Variants in DNAH7 observed in about 807,000 individuals in gnomAD.
The protein encoded by DNAH7 is dynein axonemal heavy chain 7, also known as axonemal beta dynein heavy chain 7.
A neutral mutation model predicts 444.6 loss-of-function variants in DNAH7; 397 were observed. That is an observed-to-expected ratio of 0.89 (90% CI 0.82 to 0.97). The LOEUF (loss-of-function observed/expected upper bound fraction) is 0.97, where lower values mean the gene tolerates loss of function less well. DNAH7 is among the 50% of genes least tolerant of loss of function. The pLI is 0.00. For missense variants in DNAH7, 4,902 were observed against 4,800.8 expected (o/e 1.02, Z -0.62); for synonymous variants, 1,636 against 1,624.4 (o/e 1.01, Z -0.17).
intron 10 of DNAH7, among the ~76,000 whole-genome samples, chr2:196,002,222 G>A (rs1346262253): frequency 1.3e-5 from 2 of 152,160 alleles, no homozygotes; most frequent in Non-Finnish European, 2.9e-5. Flanking sequence ...TTAGTTTAAA[G>A]TTAAAATGTG....
chr2:195,857,149 A>C (rs1699762010), intron 44 of DNAH7, among the ~76,000 whole-genome samples: 1 of 152,174 alleles, frequency 6.6e-6, no homozygotes, highest in Non-Finnish European at 1.5e-5. Flanking sequence ...GGTCTTCAAT[A>C]CTTTTTAAGA....
At chr2:195,936,957 T>C (rs1689095532) in intron 19 of DNAH7, among the ~76,000 whole-genome samples, 165 bp from the exon 20 acceptor site, 1 of 152,188 alleles carries the variant, frequency 6.6e-6, no homozygotes, top group African/African-American at 2.4e-5. Context: ...CTAGGTCTAC[T>C]TGGCCTCTCT....
chr2:195,802,656 G>A (rs1696524191), intron 54 of DNAH7, among the ~76,000 whole-genome samples: 3 of 150,716 alleles, frequency 2.0e-5, no homozygotes, highest in Non-Finnish European at 4.4e-5. Flanking sequence ...GTGACAAAGA[G>A]ACTGTCTCAA....
chr2:195,847,058 C>T (rs1699039315), intron 46 of DNAH7, among the ~76,000 whole-genome samples: 1 of 125,604 alleles, frequency 8.0e-6, no homozygotes, highest in South Asian at 2.4e-4. Flanking sequence ...TTATAAACTC[C>T]CATATATATA....
At chr2:195,934,542 A>G in intron 21 of DNAH7, 49 bp downstream of exon 21, 1 of 1,554,618 alleles carries the variant, frequency 6.4e-7, no homozygotes, top group Non-Finnish European at 8.9e-7. Flanking sequence ...TTCTAATAAC[A>G]TTCATATTCT....
At chr2:196,023,780 C>T (rs966091735) in intron 8 of DNAH7, among the ~76,000 whole-genome samples, 4 of 152,214 alleles carry the variant, frequency 2.6e-5, no homozygotes, top group African/African-American at 9.6e-5. Context: ...TGGCTTTCAA[C>T]ATGTCTTCCT....
At chr2:195,881,703 G>T in intron 36 of DNAH7, 92 bp downstream of exon 36, 1 of 1,331,092 alleles carries the variant, frequency 7.5e-7, no homozygotes, top group Non-Finnish European at 1.0e-6. Context: ...CAAAGTACTT[G>T]AGTATTTTTA....
At chr2:195,913,604 AAAG>A in intron 24 of DNAH7, among the ~76,000 whole-genome samples, 2 of 152,370 alleles carry the variant, frequency 1.3e-5, no homozygotes, top group Middle Eastern at 6.8e-3. Context: ...GTAGTCAGTC[AAAG>A]AATACAGAGC....
intron 5 of DNAH7, among the ~76,000 whole-genome samples, chr2:196,033,169 T>C (rs928238236): frequency 6.6e-6 from 1 of 152,212 alleles, no homozygotes; most frequent in East Asian, 1.9e-4. Flanking sequence ...TTATTTAATA[T>C]GTAATTTAAC....
At chr2:196,044,453 A>AG (rs1282617163) in intron 5 of DNAH7, among the ~76,000 whole-genome samples, 3 of 149,994 alleles carry the variant, frequency 2.0e-5, no homozygotes, top group African/African-American at 7.4e-5. Flanking sequence ...GAAAGGGTGC[A>AG]GGGGGGTGAG....
rs748461501 is a variant in DNAH7 at position 195,888,359 on chromosome 2, G to T, written c.5305C>A (p.Leu1769Met). The change falls in exon 33 of 65, where the codon CTG becomes ATG. Residue 1769 changes from leucine to methionine, a missense_variant. By Grantham distance (15) the Leu-to-Met change is conservative (BLOSUM62 2). Transcript: ENST00000312428. ...WRPLMLSWVNLLPASVSVIQK... is the reference protein window; with the variant it reads ...WRPLMLSWVNMLPASVSVIQK... ...ATAACACTGACTGACGCAGGTAACAGATTCACCCAGGACAACATCAGTGGT... is the reference window on the plus strand; with the variant it reads ...ATAACACTGACTGACGCAGGTAACATATTCACCCAGGACAACATCAGTGGT... The T allele has an allele frequency of 1.2e-6, 2 of 1,609,792 alleles. No individual in the cohort carries two copies. Among genetic ancestry groups the T allele is most frequent in the East Asian group, 4.5e-5 (2 of 44,646 alleles).
chr2:195,771,634 GT>G (rs757069562), intron 61 of DNAH7, 25 bp downstream of exon 61: 159 of 1,498,674 alleles, frequency 1.1e-4, no homozygotes, highest in Non-Finnish European at 1.3e-4. Flanking sequence ...TTTAATGGGG[GT>G]TTTTTTTGGT....
At chr2:195,958,447 G>T (rs1690848836) in intron 18 of DNAH7, among the ~76,000 whole-genome samples, 1 of 152,166 alleles carries the variant, frequency 6.6e-6, no homozygotes, top group Non-Finnish European at 1.5e-5. Flanking sequence ...TAGGCTATTT[G>T]TAGTTAAGGT....
rs115335464 is a variant in DNAH7, at chr2:195,781,724, G to A, written c.10879-3739C>T. Among the ~76,000 whole-genome samples the A allele has an allele frequency of 1.9e-3, 289 of 149,872 alleles. 1 individual carries two copies. The highest frequency in any genetic ancestry group is 6.8e-3 in the African/African-American group (276 of 40,706). ...ATCAAAAAGGGGAAATGCTGTGTAAGTGGTCATTAAAATGAAGATCTCTAT... is the reference window on the plus strand; with the variant it reads ...ATCAAAAAGGGGAAATGCTGTGTAAATGGTCATTAAAATGAAGATCTCTAT... On this transcript the variant is annotated intron_variant, in intron 58 of 64. Coordinates refer to ENST00000312428, the MANE Select transcript of DNAH7 (RefSeq NM_018897.3).
At chr2:195,858,860 G>A in intron 42 of DNAH7, 56 bp from the exon 43 acceptor site, 2 of 1,446,288 alleles carry the variant, frequency 1.4e-6, no homozygotes, top group South Asian at 2.7e-5. Flanking sequence ...CCTACATGAA[G>A]GAAAAACTTA....
At position 195,787,009 on chromosome 2, in the gene DNAH7, C is replaced by G; in HGVS notation, c.10878+1G>C. ...TGTCCTTGCTGTGATTTTTATGATA[C>G]CTCATACTGGTTCAGGAACATGTGG... On this transcript the variant is annotated splice_donor_variant, in intron 58 of 64. Transcript: ENST00000312428. LOFTEE classifies it high-confidence loss of function. 3.8e-6 allele frequency: 6 copies of G among 1,576,552 alleles called. No individual in the cohort carries two copies. The highest frequency in any genetic ancestry group is 5.1e-6 in the Non-Finnish European group (6 of 1,166,174).
At chr2:195,939,418 A>G (rs2125427795) in intron 19 of DNAH7, among the ~76,000 whole-genome samples, 1 of 152,276 alleles carries the variant, frequency 6.6e-6, no homozygotes, top group East Asian at 1.9e-4. Flanking sequence ...TGAGTGCTTC[A>G]GCAAATGCAG....
intron 5 of DNAH7, among the ~76,000 whole-genome samples, chr2:196,036,259 C>T (rs1028736813): frequency 3.4e-4 from 51 of 152,222 alleles, no homozygotes; most frequent in African/African-American, 1.2e-3. Context: ...GTCTCGAACT[C>T]CTGACCTCAG....
intron 29 of DNAH7, among the ~76,000 whole-genome samples, chr2:195,897,007 C>T (rs1161976585): frequency 6.6e-6 from 1 of 152,140 alleles, no homozygotes. Flanking sequence ...ATGTAACACA[C>T]TGCAAGCTAA....
Sources: allele counts gnomAD v4.1 joint callset (sites outside exome capture counted in the v4.1 genomes callset), GRCh38; gene constraint gnomAD v4.1.1; transcripts MANE v1.5; gene names NCBI Gene and HGNC (gene_info 2026-07-23, HGNC 2026-07-21).